Variants in ZDHHC6 observed in about 807,000 individuals in gnomAD.
ZDHHC6 encodes the protein zDHHC palmitoyltransferase 6.
Under a neutral mutation model 57.8 loss-of-function variants are expected in ZDHHC6, and 32 were observed. That is an observed-to-expected ratio of 0.55 (90% confidence interval 0.42 to 0.74). ZDHHC6 has a LOEUF of 0.74. ZDHHC6 is among the 30% of genes least tolerant of loss of function. The pLI, the probability that ZDHHC6 is intolerant of heterozygous loss-of-function variation, is 0.00. For synonymous variants in ZDHHC6, 128 were observed against 158.0 expected (o/e 0.81, Z 1.42); for missense variants, 433 against 500.7 (o/e 0.86, Z 1.29).
intron 3 of ZDHHC6, among the ~76,000 whole-genome samples, chr10:112,442,727 TAGAG>T (rs1211725240): frequency 1.3e-5 from 2 of 152,292 alleles, no homozygotes; most frequent in Non-Finnish European, 2.9e-5. Context: ...TGACCTACAA[TAGAG>T]ACTCAACAAA....
chr10:112,428,270 G>A, downstream of ZDHHC6: 2 of 389,106 alleles, frequency 5.1e-6, no homozygotes, highest in East Asian at 7.2e-5. Flanking sequence ...GGAACCAACT[G>A]ATCTCCCCCA....
rs1846020438 is a variant in ZDHHC6 at position 112,440,676 on chromosome 10, G to A, written c.539C>T (p.Thr180Ile). Residue 180 changes from threonine to isoleucine, a missense_variant, in exon 5 of 11, where the codon ACA becomes ATA. Transcript: ENST00000369405. ...GGCTGCACTCATGTCGATCTTCACT[G>A]TGTTCCACCCAAAGGAGAGCTATCG... is the stretch of plus-strand genomic sequence containing the variant. ...LYHRLSFGWNTVKIDMSAARR... is the reference protein window; with the variant it reads ...LYHRLSFGWNIVKIDMSAARR... 6.2e-7 allele frequency: 1 copy of A among 1,613,540 alleles called. No homozygotes were observed. The highest frequency in any genetic ancestry group is 2.2e-5 in the East Asian group (1 of 44,866).
chr10:112,436,274 A>C (rs1845520884), intron 6 of ZDHHC6, among the ~76,000 whole-genome samples: 1 of 152,212 alleles, frequency 6.6e-6, no homozygotes, highest in African/African-American at 2.4e-5. Flanking sequence ...GAGGAGTTTG[A>C]GACCAGCCTG....
At position 112,446,850 on chromosome 10, in the gene ZDHHC6, G is replaced by C. The variant is rs1846816411; in HGVS notation, c.-360C>G. The C allele has an allele frequency of 2.2e-5, 4 of 185,602 alleles. No homozygotes were observed. The East Asian group carries it at 3.7e-4, about 17-fold the overall frequency. 11.5% of individuals were successfully genotyped at this position (185,602 alleles called of 1,614,324 possible). ...AGCAGAGAGCAAACCCTGGCAGCGA[G>C]AGGCTGGAGTGCGGGACCTGCTACA... On this transcript the variant is annotated 5_prime_UTR_variant, in exon 1 of 11. Coordinates refer to ENST00000369405, the MANE Select transcript of ZDHHC6 (RefSeq NM_022494.3).
Position 112,442,207 on chromosome 10 carries a change from T to C in ZDHHC6, c.504A>G (p.Thr168=). 1.2e-6 allele frequency: 2 copies of C among 1,609,984 alleles called. No homozygotes were observed. The highest frequency in any genetic ancestry group is 2.2e-5 in the East Asian group (1 of 44,784). ...AAFIFVMTMY[T]QLYHRLSFGW... ...TTTCACTTACCCGATGATAAAGCTG[T>C]GTGTACATAGTCATCACAAAAATGA... The change falls in exon 4 of 11, where the codon ACA becomes ACG. Residue 168 remains threonine (T), a synonymous_variant. Coordinates refer to ENST00000369405, the MANE Select transcript of ZDHHC6 (RefSeq NM_022494.3).
At chr10:112,428,438 C>T (rs1215050088), downstream of ZDHHC6, 7 of 398,388 alleles carry the variant, frequency 1.8e-5, no homozygotes, top group Non-Finnish European at 4.4e-6. Context: ...AACAAGGACC[C>T]CTTAAAAATC....
chr10:112,432,590 C>A, intron 8 of ZDHHC6, 69 bp from the exon 9 acceptor site: 1 of 1,547,302 alleles, frequency 6.5e-7, no homozygotes, highest in Non-Finnish European at 8.7e-7. Flanking sequence ...GTCTGAATTT[C>A]AAATTTTAAA....
At chr10:112,440,840 T>A (rs1029881837) in intron 4 of ZDHHC6, 145 bp from the exon 5 acceptor site, 7 of 538,690 alleles carry the variant, frequency 1.3e-5, no homozygotes, top group African/African-American at 9.9e-5. Flanking sequence ...TATTTTATTT[T>A]ATTTATTTAT....
intron 10 of ZDHHC6, among the ~76,000 whole-genome samples, chr10:112,431,774 A>G (rs1325440407): frequency 6.6e-6 from 1 of 152,014 alleles, no homozygotes; most frequent in East Asian, 1.9e-4. Flanking sequence ...ACTGGTTTTT[A>G]TAACAACTTA....
chr10:112,434,260 G>C (rs560733029), intron 7 of ZDHHC6, 37 bp downstream of exon 7: 1 of 1,502,204 alleles, frequency 6.7e-7, no homozygotes, highest in African/African-American at 1.4e-5. Flanking sequence ...AAGAAGGCGA[G>C]GCAAAAAGGA....
At chr10:112,441,795 G>A (rs1846138901) in intron 4 of ZDHHC6, among the ~76,000 whole-genome samples, 1 of 152,142 alleles carries the variant, frequency 6.6e-6, no homozygotes, top group Admixed American at 6.5e-5. Context: ...TCTGCTCCAT[G>A]AGCCACCTTC....
At chr10:112,433,689 GTCA>G (rs965827539) in intron 7 of ZDHHC6, 30 of 159,622 alleles carry the variant, frequency 1.9e-4, no homozygotes, top group African/African-American at 6.2e-4. Flanking sequence ...ATGAATAAAA[GTCA>G]TCATAACTTA....
intron 2 of ZDHHC6, among the ~76,000 whole-genome samples, chr10:112,444,071 C>T (rs72821869): frequency 0.29 from 44,353 of 152,034 alleles, 7,823 homozygotes; most frequent in South Asian, 0.47. Flanking sequence ...CAGCACAAAC[C>T]GTGTATTGTC....
intron 10 of ZDHHC6, 72 bp downstream of exon 10, chr10:112,432,168 A>G (rs1420802334): frequency 2.6e-5 from 38 of 1,465,660 alleles, no homozygotes; most frequent in Non-Finnish European, 3.3e-5. Flanking sequence ...TGGTTTATAA[A>G]AGTTATTCTT....
At chr10:112,435,888 G>T (rs961554395) in intron 6 of ZDHHC6, among the ~76,000 whole-genome samples, 23 of 152,298 alleles carry the variant, frequency 1.5e-4, no homozygotes, top group African/African-American at 5.5e-4. Context: ...TCAATATTGT[G>T]TGTTAAAAGG....
At chr10:112,426,177 A>G (rs1844695476), downstream of ZDHHC6, 1 of 1,094,194 alleles carries the variant, frequency 9.1e-7, no homozygotes. Flanking sequence ...ACAATGACAT[A>G]ATTCTGCTTT....
downstream of ZDHHC6, chr10:112,426,459 C>A: frequency 1.0e-6 from 1 of 964,420 alleles, no homozygotes; most frequent in Non-Finnish European, 1.6e-6. Context: ...GGCTGCAGCC[C>A]AAACAGACTG....
At position 112,432,492 on chromosome 10, in the gene ZDHHC6, A is replaced by G. The variant is rs1845138321; in HGVS notation, c.975T>C (p.Ser325=). 6.2e-7 allele frequency: 1 copy of G among 1,614,146 alleles called. No homozygotes were observed. The highest frequency in any genetic ancestry group is 8.5e-7 in the Non-Finnish European group (1 of 1,179,988). Residue 325 remains serine (S), a synonymous_variant, in exon 9 of 11, where the codon AGT becomes AGC. Coordinates refer to ENST00000369405, the MANE Select transcript of ZDHHC6 (RefSeq NM_022494.3). ...SVRYKVIEDY[S]GACCPLNKGI... is the part of the protein sequence containing the mutation. ...CTTTATTCAGAGGGCAGCAGGCACC[A>G]CTATAATCTTCTATTACTTTATAGC...
downstream of ZDHHC6, chr10:112,426,640 C>G (rs779463760): frequency 3.8e-5 from 26 of 690,344 alleles, no homozygotes; most frequent in Non-Finnish European, 6.4e-5. Context: ...GTTTTTCTTT[C>G]AATATTGGGC....
Sources: allele counts gnomAD v4.1 joint callset (sites outside exome capture counted in the v4.1 genomes callset), GRCh38; gene constraint gnomAD v4.1.1; transcripts MANE v1.5; gene names NCBI Gene and HGNC (gene_info 2026-07-23, HGNC 2026-07-21).